Variants in ZNF654 observed in about 807,000 individuals in gnomAD.
ZNF654 encodes melanoma-associated antigen.
Under a neutral mutation model 95.3 loss-of-function variants are expected in ZNF654, and 19 were observed. The ratio of observed to expected loss-of-function variants is 0.20; its 90% confidence interval spans 0.14 to 0.29. ZNF654 has a LOEUF of 0.29. Among genes scored for constraint, ZNF654 ranks in the 10% least tolerant of loss-of-function variants. The pLI, the probability that ZNF654 is intolerant of heterozygous loss-of-function variation, is 1.00. For synonymous variants in ZNF654, 413 were observed against 457.9 expected, an observed-to-expected ratio of 0.90 and a Z score of 1.25; for missense variants, 1,046 against 1,341.0, an observed-to-expected ratio of 0.78 and a Z score of 3.44.
At chr3:88,135,352 C>T in intron 7 of ZNF654, 150 bp downstream of exon 7, 1 of 517,490 alleles carries the variant, frequency 1.9e-6, no homozygotes, top group East Asian at 3.6e-5. Context: ...TCTCCTCTGC[C>T]CTAACTCCAA....
intron 3 of ZNF654, among the ~76,000 whole-genome samples, chr3:88,120,074 T>TA (rs57135246): frequency 0.78 from 117,784 of 151,196 alleles, 46,840 homozygotes; most frequent in South Asian, 0.91. Context: ...TCTACTTATT[T>TA]AAAAAAAAAT....
At chr3:88,080,280 T>A (rs554097358) in intron 1 of ZNF654, among the ~76,000 whole-genome samples, 1 of 151,970 alleles carries the variant, frequency 6.6e-6, no homozygotes, top group South Asian at 2.1e-4. Flanking sequence ...CTTGGAAACA[T>A]AATGAACCAG....
intron 1 of ZNF654, among the ~76,000 whole-genome samples, chr3:88,063,385 A>T (rs1355292559): frequency 6.6e-6 from 1 of 152,188 alleles, no homozygotes; most frequent in Non-Finnish European, 1.5e-5. Context: ...CAGGCACTGT[A>T]ATAGGTGCCT....
At chr3:88,116,932 T>C (rs2107783162) in intron 3 of ZNF654, among the ~76,000 whole-genome samples, 1 of 152,272 alleles carries the variant, frequency 6.6e-6, no homozygotes, top group Non-Finnish European at 1.5e-5. Context: ...TAAAGATGAC[T>C]AAAGAGGATA....
At chr3:88,118,385 A>G (rs899486949) in intron 3 of ZNF654, among the ~76,000 whole-genome samples, 1 of 152,152 alleles carries the variant, frequency 6.6e-6, no homozygotes, top group Non-Finnish European at 1.5e-5. Context: ...GGAAAAAATC[A>G]TCAAAGGTAA....
chr3:88,123,176 G>C (rs959919831), intron 3 of ZNF654, among the ~76,000 whole-genome samples: 2 of 151,962 alleles, frequency 1.3e-5, no homozygotes, highest in Non-Finnish European at 2.9e-5. Context: ...TTTAAGGAAC[G>C]AGGAGCCAAA....
At chr3:88,135,760 A>C (rs1706742632) in intron 7 of ZNF654, among the ~76,000 whole-genome samples, 1 of 152,154 alleles carries the variant, frequency 6.6e-6, no homozygotes, top group African/African-American at 2.4e-5. Flanking sequence ...AGTCTTACGT[A>C]GACATGAAAG....
At chr3:88,088,617 G>A (rs1708460631) in intron 2 of ZNF654, among the ~76,000 whole-genome samples, 2 of 152,222 alleles carry the variant, frequency 1.3e-5, no homozygotes, top group South Asian at 2.1e-4. Context: ...AAATTTAAAT[G>A]TGTGTGTGTA....
chr3:88,074,506 T>C (rs1707692447), intron 1 of ZNF654, among the ~76,000 whole-genome samples: 1 of 152,082 alleles, frequency 6.6e-6, no homozygotes, highest in African/African-American at 2.4e-5. Flanking sequence ...CATGCCTGGC[T>C]AATTTTTATA....
intron 2 of ZNF654, among the ~76,000 whole-genome samples, chr3:88,103,069 CAT>C (rs1704526452): frequency 1.3e-5 from 2 of 152,044 alleles, no homozygotes; most frequent in African/African-American, 4.8e-5. Flanking sequence ...TAAGTGAGCA[CAT>C]GTGTTATTTG....
intron 1 of ZNF654, among the ~76,000 whole-genome samples, chr3:88,074,564 A>T (rs1707695298): frequency 6.6e-6 from 1 of 150,630 alleles, no homozygotes; most frequent in African/African-American, 2.4e-5. Context: ...CTGGCCTTGA[A>T]CTCCTGACCT....
At chr3:88,114,994 C>T (rs531910426) in intron 3 of ZNF654, among the ~76,000 whole-genome samples, 10 of 152,288 alleles carry the variant, frequency 6.6e-5, no homozygotes, top group East Asian at 1.9e-4. Context: ...ACCCTAGCTC[C>T]GCAGTGGTTC....
chr3:88,073,529 G>T (rs963466088), intron 1 of ZNF654, among the ~76,000 whole-genome samples: 1 of 152,176 alleles, frequency 6.6e-6, no homozygotes, highest in Non-Finnish European at 1.5e-5. Context: ...TGAATAAGTG[G>T]CTGGAACAAT....
intron 4 of ZNF654, among the ~76,000 whole-genome samples, chr3:88,127,604 CAG>C (rs1474485056): frequency 1.3e-5 from 2 of 151,978 alleles, no homozygotes; most frequent in Non-Finnish European, 2.9e-5. Context: ...TAGACAAAGA[CAG>C]AGTTTCAAGA....
chr3:88,074,357 T>TTC (rs1707682381), intron 1 of ZNF654, among the ~76,000 whole-genome samples: 1 of 151,246 alleles, frequency 6.6e-6, no homozygotes, highest in Non-Finnish European at 1.5e-5. Flanking sequence ...TTTTTTTTTT[T>TTC]TTGAGACTGA....
At chr3:88,065,177 A>C (rs1269591976) in intron 1 of ZNF654, among the ~76,000 whole-genome samples, 4 of 152,234 alleles carry the variant, frequency 2.6e-5, no homozygotes, top group Admixed American at 6.5e-5. Flanking sequence ...ATAAAAGGTG[A>C]ATTCCCTGGA....
At chr3:88,069,421 C>A (rs1286340521) in intron 1 of ZNF654, among the ~76,000 whole-genome samples, 1 of 150,592 alleles carries the variant, frequency 6.6e-6, no homozygotes, top group Non-Finnish European at 1.5e-5. Context: ...GACTCTGTTT[C>A]AAAAAAAAAG....
At chr3:88,081,904 T>C (rs1303037484) in intron 1 of ZNF654, among the ~76,000 whole-genome samples, 1 of 152,206 alleles carries the variant, frequency 6.6e-6, no homozygotes, top group Non-Finnish European at 1.5e-5. Context: ...AATACTTTTA[T>C]ATATACAACT....
intron 6 of ZNF654, among the ~76,000 whole-genome samples, chr3:88,134,226 T>G (rs1706634363): frequency 6.6e-6 from 1 of 152,112 alleles, no homozygotes; most frequent in Admixed American, 6.6e-5. Context: ...TTTGTCTGAG[T>G]ACACTATGTG....
Sources: gnomAD v4.1 joint callset for allele counts (sites outside exome capture counted in the v4.1 genomes callset) on GRCh38, gnomAD v4.1.1 for gene constraint, MANE v1.5 for transcripts, NCBI Gene and HGNC (gene_info 2026-07-23, HGNC 2026-07-21) for gene names.